The following AGMO variants were observed in gnomAD, a reference collection of about 807,000 sequenced individuals.
AGMO encodes the protein glyceryl-ether monooxygenase.
AGMO carries 75 observed loss-of-function variants against 60.2 expected under a neutral mutation model. The ratio of observed to expected loss-of-function variants is 1.25; its 90% CI spans 1.03 to 1.51. The LOEUF is 1.51. AGMO is among the 40% of genes most tolerant of loss of function. The pLI is 0.00. For synonymous variants in AGMO, 261 were observed against 177.1 expected (o/e 1.47, Z -3.76); for missense variants, 763 against 525.5 (o/e 1.45, Z -4.42).
At position 15,365,535 on chromosome 7, in the gene AGMO, A is replaced by T; in HGVS notation, c.1242T>A (p.Pro414=). Residue 414 remains proline, a synonymous_variant, in exon 12 of 13, where the codon CCT becomes CCA. Transcript: ENST00000342526. The part of the protein sequence containing the change: ...YRFGHLKPLV[P]SLSSAFEIVF... ...TTACCTCAAAAGCAGATGACAATGA[A>T]GGGACAAGAGGCTTCAGGTGACCAA... is the stretch of plus-strand genomic sequence containing the variant. The T allele has an allele frequency of 6.2e-7, 1 of 1,612,500 alleles. No individual in the cohort carries two copies. The highest frequency in any genetic ancestry group is 8.5e-7 in the Non-Finnish European group (1 of 1,178,804).
chr7:15,285,221 T>G (rs926931102), intron 12 of AGMO, among the ~76,000 whole-genome samples: 4 of 151,528 alleles, frequency 2.6e-5, no homozygotes, highest in African/African-American at 9.7e-5. Context: ...CCTGAAGTCC[T>G]AGCTAGAACA....
At chr7:15,332,425 C>T (rs906727752) in intron 12 of AGMO, among the ~76,000 whole-genome samples, 1 of 152,122 alleles carries the variant, frequency 6.6e-6, no homozygotes, top group Non-Finnish European at 1.5e-5. Flanking sequence ...AGCTAAAAGA[C>T]ACCATGTTTT....
At chr7:15,416,027 C>CTTTTCTTTTTTTT (rs1554269474) in intron 5 of AGMO, among the ~76,000 whole-genome samples, 8 of 130,904 alleles carry the variant, frequency 6.1e-5, no homozygotes, top group Non-Finnish European at 6.6e-5. Context: ...TTCTTTTTTT[C>CTTTTCTTTTTTTT]TTTTTTTTTT....
At chr7:15,376,973 C>A (rs1335300219) in intron 10 of AGMO, among the ~76,000 whole-genome samples, 1 of 152,044 alleles carries the variant, frequency 6.6e-6, no homozygotes, top group Non-Finnish European at 1.5e-5. Flanking sequence ...ATAGAACTTG[C>A]ATACATAAAA....
At chr7:15,255,326 G>A (rs914836907) in intron 12 of AGMO, among the ~76,000 whole-genome samples, 24 of 152,080 alleles carry the variant, frequency 1.6e-4, no homozygotes, top group African/African-American at 1.2e-4. Context: ...AAAACTGCAC[G>A]TTCTGCACAT....
intron 12 of AGMO, among the ~76,000 whole-genome samples, chr7:15,290,542 GCTTT>G (rs1223048080): frequency 2.6e-5 from 4 of 152,126 alleles, no homozygotes; most frequent in Non-Finnish European, 5.9e-5. Flanking sequence ...GCTCTCATAT[GCTTT>G]CTGTTGTTCT....
At chr7:15,321,549 G>C (rs1781109363) in intron 12 of AGMO, among the ~76,000 whole-genome samples, 2 of 152,056 alleles carry the variant, frequency 1.3e-5, no homozygotes, top group African/African-American at 4.8e-5. Context: ...GAAATGGTAA[G>C]ATAAAAAAGA....
rs538810875 is a variant in AGMO at position 15,306,959 on chromosome 7, A to G, written c.1263+58555T>C. Among the ~76,000 whole-genome samples, 6 of 152,156 alleles carry G rather than the reference A, an allele frequency of 3.9e-5. No individual in the cohort carries two copies. In the East Asian group the frequency reaches 5.8e-4, roughly 15 times the overall value. On this transcript the variant is annotated intron_variant, in intron 12 of 12. Coordinates refer to ENST00000342526, the MANE Select transcript of AGMO (RefSeq NM_001004320.2). The stretch of plus-strand genomic sequence containing the variant: ...AATCATGAGAAATAATCATTAAAGC[A>G]TACTGAATTTTGGTGAATTTTAATA...
rs1179544301 is a variant in AGMO at position 15,253,082 on chromosome 7, G to C, written c.1264-51723C>G. Among the ~76,000 whole-genome samples the C allele has an allele frequency of 2.6e-5, 4 of 152,288 alleles. No individual in the cohort carries two copies. In the East Asian group the frequency reaches 7.7e-4, roughly 29 times the overall value. ...AGCAGCTCATGGGATGAAGAACAAA[G>C]ATTCATTTGCTATTGTAGATATTAA... is the stretch of plus-strand genomic sequence containing the variant. On this transcript the variant is annotated intron_variant, in intron 12 of 12. Coordinates refer to ENST00000342526, the MANE Select transcript of AGMO (RefSeq NM_001004320.2).
At chr7:15,279,121 C>T (rs535468600) in intron 12 of AGMO, among the ~76,000 whole-genome samples, 150 of 152,294 alleles carry the variant, frequency 9.8e-4, no homozygotes, top group Non-Finnish European at 1.8e-3. Context: ...CTTCAGGCAG[C>T]TCCCTGATTA....
At chr7:15,245,667 G>A (rs762009486) in intron 12 of AGMO, among the ~76,000 whole-genome samples, 9 of 152,036 alleles carry the variant, frequency 5.9e-5, no homozygotes, top group Admixed American at 5.9e-4. Context: ...AACAATTTTC[G>A]CTACTAAAAA....
chr7:15,529,612 A>ATATATTCTG (rs1784229530), intron 3 of AGMO, among the ~76,000 whole-genome samples: 1 of 17,460 alleles, frequency 5.7e-5, no homozygotes, highest in Admixed American at 1.1e-3. Context: ...TATAGAGTAT[A>ATATATTCTG]TATATAGAAT....
chr7:15,550,688 CA>C (rs1288565426), intron 2 of AGMO, among the ~76,000 whole-genome samples: 2 of 147,434 alleles, frequency 1.4e-5, no homozygotes, highest in Non-Finnish European at 3.0e-5. Flanking sequence ...GTTTACCAAC[CA>C]AAAAGAGTCC....
intron 2 of AGMO, among the ~76,000 whole-genome samples, chr7:15,545,695 A>G (rs1420241540): frequency 6.6e-6 from 1 of 152,098 alleles, no homozygotes; most frequent in African/African-American, 2.4e-5. Flanking sequence ...CTATTTATCA[A>G]GCTTCCACAA....
chr7:15,237,705 A>C (rs1271981416), intron 12 of AGMO, among the ~76,000 whole-genome samples: 3 of 152,108 alleles, frequency 2.0e-5, no homozygotes, highest in Non-Finnish European at 4.4e-5. Context: ...CACACACACA[A>C]ATACACAAAT....
intron 3 of AGMO, among the ~76,000 whole-genome samples, chr7:15,527,869 C>T (rs1784166284): frequency 6.6e-6 from 1 of 152,044 alleles, no homozygotes; most frequent in East Asian, 1.9e-4. Context: ...GATTACAGCA[C>T]ATCTGTTTAC....
intron 2 of AGMO, among the ~76,000 whole-genome samples, chr7:15,546,710 G>T (rs1370516539): frequency 6.6e-6 from 1 of 152,202 alleles, no homozygotes; most frequent in Admixed American, 6.5e-5. Context: ...AAACTCCAAG[G>T]AATCTATGAA....
At position 15,385,525 on chromosome 7, in the gene AGMO, G is replaced by A. The variant is rs751479599; in HGVS notation, c.995C>T (p.Ser332Phe). 1.9e-6 allele frequency: 3 copies of A among 1,613,100 alleles called. No homozygotes were observed. Among genetic ancestry groups the A allele is most frequent in the East Asian group, 2.2e-5 (1 of 44,796 alleles). The change falls in exon 10 of 13, where the codon TCT (serine) becomes TTT (phenylalanine). Residue 332 changes from serine to phenylalanine, a missense_variant. Coordinates refer to ENST00000342526, the MANE Select transcript of AGMO (RefSeq NM_001004320.2). ...AACTGTATATATCTTTAATAGCTGA[G>A]ATGAAGATGATGAGAAGGGAACTTC... ...GKEVPFSSSSSQLLKIYTVVQ... is the reference protein window; with the variant it reads ...GKEVPFSSSSFQLLKIYTVVQ...
At chr7:15,143,833 C>T in the AGMO span, among the ~76,000 whole-genome samples, 2 of 151,868 alleles carry the variant, frequency 1.3e-5, no homozygotes, top group African/African-American at 4.8e-5. Context: ...CTTTGGTCAT[C>T]GTGAACAATT....
Sources: allele counts gnomAD v4.1 joint callset (sites outside exome capture counted in the v4.1 genomes callset), GRCh38; gene constraint gnomAD v4.1.1; transcripts MANE v1.5; gene names NCBI Gene and HGNC (gene_info 2026-07-23, HGNC 2026-07-21).